Variants in DNAJC11 observed in about 807,000 individuals in gnomAD.
DNAJC11 encodes DnaJ heat shock protein family (Hsp40) member C11.
A neutral mutation model predicts 78.6 loss-of-function variants in DNAJC11; 15 were observed. That is an observed-to-expected ratio of 0.19 (90% confidence interval 0.13 to 0.29). The LOEUF is 0.29. Ranked by LOEUF, DNAJC11 falls within the 10% of genes least tolerant of loss-of-function variation. The probability of loss-of-function intolerance (pLI) is 1.00; values close to 1 mark genes in which losing one functional copy is unlikely to be tolerated. For synonymous variants in DNAJC11, 292 were observed against 272.1 expected (o/e 1.07, Z -0.72); for missense variants, 547 against 709.6 (o/e 0.77, Z 2.60).
intron 4 of DNAJC11, among the ~76,000 whole-genome samples, chr1:6,664,448 C>G (rs1642265675): frequency 6.6e-6 from 1 of 152,088 alleles, no homozygotes; most frequent in Admixed American, 6.6e-5. Context: ...CCGTGTTAGC[C>G]AGGATGGTCT....
rs200455 is a variant in DNAJC11 at position 6,645,600 on chromosome 1, C to A, written c.894+189G>T. On this transcript the variant is annotated intron_variant, in intron 8 of 15. Transcript: ENST00000377577. This position sits in a 1 kb window ranked among gnomAD's most constrained non-coding sequence, Gnocchi z 4.1. ...AGCTGCCCCAGGCGCCTGAAGGCAACTGCATTTCATACTCGAAGGTTCCAC... is the reference window on the plus strand; with the variant it reads ...AGCTGCCCCAGGCGCCTGAAGGCAAATGCATTTCATACTCGAAGGTTCCAC... Among the ~76,000 whole-genome samples the A allele has an allele frequency of 3.7e-4, 56 of 152,338 alleles. No homozygotes were observed. Among genetic ancestry groups the A allele is most frequent in the African/African-American group, 1.3e-3 (54 of 41,578 alleles).
chr1:6,700,336 GCAC>G (rs1642905501), intron 1 of DNAJC11, among the ~76,000 whole-genome samples: 1 of 152,130 alleles, frequency 6.6e-6, no homozygotes, highest in South Asian at 2.1e-4. Context: ...CAGCCCATAC[GCAC>G]CCAGGTGATT....
At chr1:6,654,861 C>T (rs1304346411) in intron 4 of DNAJC11, among the ~76,000 whole-genome samples, 2 of 151,716 alleles carry the variant, frequency 1.3e-5, no homozygotes, top group Non-Finnish European at 1.5e-5. Flanking sequence ...TGCAGTGGCA[C>T]GATCTTGGCT....
intron 7 of DNAJC11, among the ~76,000 whole-genome samples, chr1:6,649,295 G>C (rs182410446): frequency 1.3e-5 from 2 of 151,346 alleles, no homozygotes; most frequent in Non-Finnish European, 2.9e-5. Flanking sequence ...TCAGCCTCCC[G>C]AGTAGCTGGG....
At chr1:6,636,070 G>C (rs375661531) in intron 15 of DNAJC11, 47 bp downstream of exon 15, 3 of 1,583,348 alleles carry the variant, frequency 1.9e-6, no homozygotes, top group African/African-American at 2.7e-5. Flanking sequence ...GCCGCTTCGA[G>C]GTCCCCGCCC....
chr1:6,644,620 C>G lies in DNAJC11; in HGVS notation c.1035G>C (p.Arg345Ser). 1 of 1,614,192 alleles carries G rather than the reference C, an allele frequency of 6.2e-7. No individual in the cohort carries two copies. The highest frequency in any genetic ancestry group is 8.5e-7 in the Non-Finnish European group (1 of 1,180,028). The change falls in exon 10 of 16, where the codon AGG becomes AGC. Residue 345 changes from arginine (R) to serine (S), a missense_variant. Arg to Ser is a moderately radical substitution (Grantham distance 110, BLOSUM62 -1). Transcript: ENST00000377577. The part of the protein sequence containing the change: ...VEYGAERKIS[R>S]HSVLGAAVSV... ...TGACAGCTGCACCCAAAACGCTGTG[C>G]CTGGAGATCTTCCTCTCAGCTCCGT... is the stretch of plus-strand genomic sequence containing the variant.
chr1:6,645,982 G>A lies in DNAJC11; in HGVS notation c.705-4C>T, dbSNP rs374393814. On this transcript the variant is annotated splice_region_variant and splice_polypyrimidine_tract_variant and intron_variant, in intron 7 of 15. Coordinates refer to ENST00000377577, the MANE Select transcript of DNAJC11 (RefSeq NM_018198.4). This position sits in a 1 kb window ranked among gnomAD's most constrained non-coding sequence, Gnocchi z 4.1. The stretch of plus-strand genomic sequence containing the variant: ...AGCACAGTTTGTTGTCACAAAGCTG[G>A]AGAGACACAGAGACAGAATAGGTCC... 1.2e-5 allele frequency: 20 copies of A among 1,613,732 alleles called. No individual in the cohort carries two copies. The African/African-American group carries it at 2.4e-4, about 19-fold the overall frequency.
intron 1 of DNAJC11, among the ~76,000 whole-genome samples, chr1:6,696,296 A>G (rs1018720212): frequency 6.6e-6 from 1 of 152,250 alleles, no homozygotes; most frequent in African/African-American, 2.4e-5. Context: ...TAAGAAAGCA[A>G]TAAATGTGTA....
intron 3 of DNAJC11, among the ~76,000 whole-genome samples, chr1:6,676,944 T>G (rs1397761282): frequency 2.0e-5 from 3 of 151,700 alleles, no homozygotes; most frequent in Non-Finnish European, 4.4e-5. Context: ...GAGGCCGAGG[T>G]GGGTGGATCG....
chr1:6,681,085 A>G (rs761848416), intron 1 of DNAJC11, 48 bp from the exon 2 acceptor site: 1 of 1,556,460 alleles, frequency 6.4e-7, no homozygotes, highest in South Asian at 1.2e-5. Flanking sequence ...CTACTTAAAC[A>G]TTATCATCAT....
At position 6,690,302 on chromosome 1, in the gene DNAJC11, A is replaced by T. The variant is rs1642724441; in HGVS notation, c.73-9265T>A. Reference sequence around the variant, plus strand: ...ATGCTCATGACACTAATAGAAATACACGGCATTCATTTGACAGTCGCATAT... The same window carrying T: ...ATGCTCATGACACTAATAGAAATACTCGGCATTCATTTGACAGTCGCATAT... On this transcript the variant is annotated intron_variant, in intron 1 of 15. Transcript: ENST00000377577. Among the ~76,000 whole-genome samples, 2 of 152,174 alleles carry T rather than the reference A, an allele frequency of 1.3e-5. 1 individual carries two copies. The highest frequency in any genetic ancestry group is 4.1e-4 in the South Asian group (2 of 4,826).
chr1:6,636,882 T>C (rs1297342884), intron 14 of DNAJC11, among the ~76,000 whole-genome samples: 1 of 152,186 alleles, frequency 6.6e-6, no homozygotes, highest in Non-Finnish European at 1.5e-5. Context: ...AGGGTCTTGC[T>C]CTGTCACCCA....
Position 6,650,413 on chromosome 1 carries a change from A to G in DNAJC11, c.704+1116T>C, listed in dbSNP as rs548454097. ...ATAACTTATCCCTAAAAAAAACTAA[A>G]CAATGAGCCAGGCATGTTGGCACAC... is the stretch of plus-strand genomic sequence containing the variant. On this transcript the variant is annotated intron_variant, in intron 7 of 15. Coordinates refer to ENST00000377577, the MANE Select transcript of DNAJC11 (RefSeq NM_018198.4). Among the ~76,000 whole-genome samples the G allele has an allele frequency of 1.4e-3, 210 of 152,208 alleles. 1 individual carries two copies. The highest frequency in any genetic ancestry group is 4.9e-3 in the African/African-American group (204 of 41,540).
chr1:6,645,596 G>A lies in DNAJC11; in HGVS notation c.894+193C>T, dbSNP rs1286624440. Among the ~76,000 whole-genome samples, 1 of 152,220 alleles carries A rather than the reference G, an allele frequency of 6.6e-6. No individual in the cohort carries two copies. Among genetic ancestry groups the A allele is most frequent in the African/African-American group, 2.4e-5 (1 of 41,468 alleles). On this transcript the variant is annotated intron_variant, in intron 8 of 15. Transcript: ENST00000377577. This position sits in a 1 kb window ranked among gnomAD's most constrained non-coding sequence, Gnocchi z 4.1. ...ACAAAGCTGCCCCAGGCGCCTGAAG[G>A]CAACTGCATTTCATACTCGAAGGTT... is the stretch of plus-strand genomic sequence containing the variant.
At chr1:6,644,535 C>A (rs375799942) in intron 10 of DNAJC11, 23 bp downstream of exon 10, 2 of 1,547,538 alleles carry the variant, frequency 1.3e-6, no homozygotes, top group South Asian at 2.2e-5. Flanking sequence ...TTCCTTGACC[C>A]GAAAGGCCTA....
chr1:6,667,618 C>CAA, intron 4 of DNAJC11, 91 bp downstream of exon 4: 1 of 1,054,900 alleles, frequency 9.5e-7, no homozygotes, highest in East Asian at 2.4e-5. Flanking sequence ...TTTACTTTAA[C>CAA]AATCCACCAG....
At chr1:6,658,767 G>A (rs896245104) in intron 4 of DNAJC11, among the ~76,000 whole-genome samples, 3 of 152,090 alleles carry the variant, frequency 2.0e-5, no homozygotes, top group East Asian at 1.9e-4. Context: ...TCTTGTGTCC[G>A]TAAACCTCAG....
At chr1:6,658,336 A>G (rs1557474928) in intron 4 of DNAJC11, among the ~76,000 whole-genome samples, 1 of 152,256 alleles carries the variant, frequency 6.6e-6, no homozygotes, top group Non-Finnish European at 1.5e-5. Flanking sequence ...AATAACACAG[A>G]GGAAAAAGTG....
At chr1:6,694,354 C>A (rs907716922) in intron 1 of DNAJC11, among the ~76,000 whole-genome samples, 14 of 152,104 alleles carry the variant, frequency 9.2e-5, no homozygotes, top group Non-Finnish European at 4.4e-5. Flanking sequence ...ACTTTTACTT[C>A]TTTCTGCCCA....
Sources: allele counts gnomAD v4.1 joint callset (sites outside exome capture counted in the v4.1 genomes callset), GRCh38; gene constraint gnomAD v4.1.1; non-coding constraint Gnocchi (gnomAD v3.1); transcripts MANE v1.5; gene names NCBI Gene and HGNC (gene_info 2026-07-23, HGNC 2026-07-21).